The following IL6R variants were observed in gnomAD, a reference collection of about 807,000 sequenced individuals.
IL6R encodes the protein interleukin 6 receptor.
IL6R carries 38 observed loss-of-function variants against 48.3 expected under a neutral mutation model. The ratio of observed to expected loss-of-function variants is 0.79; its 90% CI spans 0.61 to 1.03. IL6R has a LOEUF of 1.03. IL6R is among the 50% of genes least tolerant of loss of function. IL6R has a pLI of 0.00. For missense variants in IL6R, 534 were observed against 618.3 expected (o/e 0.86, Z 1.45); for synonymous variants, 264 against 256.2 (o/e 1.03, Z -0.29).
intron 1 of IL6R, among the ~76,000 whole-genome samples, chr1:154,412,751 T>G (rs990494175): frequency 6.6e-6 from 1 of 152,144 alleles, no homozygotes; most frequent in South Asian, 2.1e-4. Flanking sequence ...CTGACAACAT[T>G]TGAAGTACCT....
intron 7 of IL6R, among the ~76,000 whole-genome samples, 164 bp downstream of exon 7, chr1:154,448,335 A>T (rs1001938900): frequency 2.0e-5 from 3 of 152,246 alleles, no homozygotes; most frequent in African/African-American, 7.2e-5. Flanking sequence ...AGGGAATCAT[A>T]GAAATTATCT....
At chr1:154,410,306 C>A (rs953886478) in intron 1 of IL6R, among the ~76,000 whole-genome samples, 1 of 151,446 alleles carries the variant, frequency 6.6e-6, no homozygotes, top group Non-Finnish European at 1.5e-5. Flanking sequence ...GGTTGGAGTG[C>A]AGTGGCACAA....
rs201098458 is a variant in IL6R at position 154,455,455 on chromosome 1, CT to C, written c.1160+890del. ...TTTTTCTTTCTCTTTCTTTTCTTTT[CT>C]TTTTTTTTTTTTTTTGAGACAGAGT... On this transcript the variant is annotated intron_variant, in intron 9 of 9. Coordinates refer to ENST00000368485, the MANE Select transcript of IL6R (RefSeq NM_000565.4). 3.4e-3 allele frequency among the ~76,000 whole-genome samples: 432 copies of C among 128,408 alleles called. 1 individual carries two copies. Among genetic ancestry groups the C allele is most frequent in the Middle Eastern group, 8.3e-3 (2 of 240 alleles). The allele number at this position is 128,408 out of a possible 152,430, so 84.2% of individuals were successfully genotyped here.
At position 154,429,408 on chromosome 1, in the gene IL6R, G is replaced by C; in HGVS notation, c.298G>C (p.Gly100Arg). The change falls in exon 2 of 10, where the codon GGC (glycine) becomes CGC (arginine). Residue 100 changes from glycine to arginine, a missense_variant. Gly to Arg is a moderately radical substitution (Grantham distance 125). Coordinates refer to ENST00000368485, the MANE Select transcript of IL6R (RefSeq NM_000565.4). The part of the protein sequence containing the change: ...DSGNYSCYRA[G>R]RPAGTVHLLV... Reference sequence around the variant, plus strand: ...TGGAAACTATTCATGCTACCGGGCCGGCCGCCCAGCTGGGACTGTGCACTT... The same window carrying C: ...TGGAAACTATTCATGCTACCGGGCCCGCCGCCCAGCTGGGACTGTGCACTT... 1 of 1,613,754 alleles carries C rather than the reference G, an allele frequency of 6.2e-7. No homozygotes were observed. The highest frequency in any genetic ancestry group is 8.5e-7 in the Non-Finnish European group (1 of 1,179,740).
chr1:154,445,931 TTTC>T (rs925360560), intron 6 of IL6R, among the ~76,000 whole-genome samples: 2 of 152,030 alleles, frequency 1.3e-5, no homozygotes, highest in African/African-American at 4.8e-5. Context: ...TTCTTCTTGT[TTTC>T]TTCTTTTTTT....
rs534828800 is a variant in IL6R at position 154,441,764 on chromosome 1, G to A, written c.949+5654G>A. 4.5e-4 allele frequency among the ~76,000 whole-genome samples: 68 copies of A among 152,242 alleles called. 1 individual carries two copies. The South Asian group carries it at 0.013, about 30-fold the overall frequency. The stretch of plus-strand genomic sequence containing the variant: ...CTCTCAAGGCCCAGACAGACAGGAT[G>A]CACCTGCCTCCCAGACTAGGTGTGG... On this transcript the variant is annotated intron_variant, in intron 6 of 9. Coordinates refer to ENST00000368485, the MANE Select transcript of IL6R (RefSeq NM_000565.4).
At chr1:154,420,515 A>ATTTTAT (rs757458301) in intron 1 of IL6R, among the ~76,000 whole-genome samples, 1 of 149,874 alleles carries the variant, frequency 6.7e-6, no homozygotes, top group Non-Finnish European at 1.5e-5. Flanking sequence ...ATTTTATTTT[A>ATTTTAT]TTTATTTATT....
chr1:154,410,661 C>T (rs995829222), intron 1 of IL6R, among the ~76,000 whole-genome samples: 6 of 152,192 alleles, frequency 3.9e-5, no homozygotes, highest in African/African-American at 1.4e-4. Flanking sequence ...CCACTGGGTT[C>T]AGGCTTGACG....
chr1:154,461,603 G>C (rs1691268359), intron 9 of IL6R, among the ~76,000 whole-genome samples: 2 of 152,192 alleles, frequency 1.3e-5, no homozygotes, highest in South Asian at 4.1e-4. Flanking sequence ...AAAAGCTAAT[G>C]ATTAATAATG....
At chr1:154,445,483 G>A (rs960029323) in intron 6 of IL6R, among the ~76,000 whole-genome samples, 2 of 152,154 alleles carry the variant, frequency 1.3e-5, no homozygotes, top group African/African-American at 4.8e-5. Flanking sequence ...GGGCGCGGTG[G>A]CTCACACCTG....
Position 154,405,432 on chromosome 1 carries a change from G to C in IL6R, c.-198G>C. ...CTGACACTGAGCCGGGCCAGAGGGA[G>C]AGGAGCCGAGCGCGGCGCGGGGCCG... is the stretch of plus-strand genomic sequence containing the variant. On this transcript the variant is annotated 5_prime_UTR_variant, in exon 1 of 10. Transcript: ENST00000368485. The surrounding 1 kb of genome is among the most constrained non-coding windows in gnomAD (Gnocchi z 5.2). 1 of 542,088 alleles carries C rather than the reference G, an allele frequency of 1.8e-6. No individual in the cohort carries two copies. The highest frequency in any genetic ancestry group is 3.2e-6 in the Non-Finnish European group (1 of 312,552). 33.6% of individuals were successfully genotyped at this position (542,088 alleles called of 1,614,324 possible). A position where few individuals can be genotyped will look rare whatever the true frequency, so the allele number is the denominator to read the frequency against.
intron 6 of IL6R, among the ~76,000 whole-genome samples, chr1:154,446,366 G>A (rs1690229286): frequency 6.6e-6 from 1 of 152,100 alleles, no homozygotes; most frequent in South Asian, 2.1e-4. Flanking sequence ...CCTTACTGGT[G>A]ATGGCATACT....
At chr1:154,446,952 C>G (rs1385522393) in intron 6 of IL6R, among the ~76,000 whole-genome samples, 4 of 152,064 alleles carry the variant, frequency 2.6e-5, no homozygotes, top group Non-Finnish European at 1.5e-5. Context: ...ATTCTTCATA[C>G]AGCATTATGT....
intron 1 of IL6R, 27 bp from the exon 2 acceptor site, chr1:154,429,169 T>G (rs1689147844): frequency 3.1e-6 from 5 of 1,595,934 alleles, no homozygotes; most frequent in Non-Finnish European, 4.3e-6. Flanking sequence ...GGCTGTGGGC[T>G]CACCAAGTGT....
intron 9 of IL6R, among the ~76,000 whole-genome samples, chr1:154,458,897 T>A (rs1277076520): frequency 7.4e-6 from 1 of 134,522 alleles, no homozygotes; most frequent in Admixed American, 7.2e-5. Flanking sequence ...GGAGACTCCA[T>A]CTCAAAAAAA....
At position 154,468,604 on chromosome 1, in the gene IL6R, G is replaced by C. The variant is rs549700993; in HGVS notation, c.*3224G>C. ...TCTTTATCAGGCTCTGAGTTCACAC[G>C]GAGCCTCTGGCACTTCCCTGCTGTC... is the stretch of plus-strand genomic sequence containing the variant. On this transcript the variant is annotated 3_prime_UTR_variant, in exon 10 of 10. Coordinates refer to ENST00000368485, the MANE Select transcript of IL6R (RefSeq NM_000565.4). 6.6e-6 allele frequency: 1 copy of C among 152,166 alleles called. No individual in the cohort carries two copies. Among genetic ancestry groups the C allele is most frequent in the African/African-American group, 2.4e-5 (1 of 41,436 alleles). 9.4% of individuals were successfully genotyped at this position (152,166 alleles called of 1,614,324 possible).
intron 1 of IL6R, among the ~76,000 whole-genome samples, chr1:154,427,241 GT>G (rs201335753): frequency 0.02 from 3,076 of 152,292 alleles, 106 homozygotes; most frequent in African/African-American, 0.069. Context: ...GACCAGGACA[GT>G]ACTGTGTGCT....
At chr1:154,415,360 C>T (rs1192694082) in intron 1 of IL6R, among the ~76,000 whole-genome samples, 1 of 152,172 alleles carries the variant, frequency 6.6e-6, no homozygotes, top group African/African-American at 2.4e-5. Flanking sequence ...CAGTTGTCAC[C>T]TGACATCTCT....
rs1018276534 is a variant in IL6R, at chr1:154,467,128, T to TA, written c.*1755dup. ...GAGCTTTCTGCTATCAAAGAGGTTT[T>TA]AAAAAAATCCCATTTAAAAAAAATC... On this transcript the variant is annotated 3_prime_UTR_variant, in exon 10 of 10. Coordinates refer to ENST00000368485, the MANE Select transcript of IL6R (RefSeq NM_000565.4). 1 of 152,092 alleles carries TA rather than the reference T, an allele frequency of 6.6e-6. No homozygotes were observed. The highest frequency in any genetic ancestry group is 1.5e-5 in the Non-Finnish European group (1 of 68,024). 9.4% of individuals were successfully genotyped at this position (152,092 alleles called of 1,614,324 possible).
Sources: gnomAD v4.1 joint callset for allele counts (sites outside exome capture counted in the v4.1 genomes callset) on GRCh38, gnomAD v4.1.1 for gene constraint, Gnocchi (gnomAD v3.1) non-coding constraint, MANE v1.5 for transcripts, NCBI Gene and HGNC (gene_info 2026-07-23, HGNC 2026-07-21) for gene names.